The following FAM135B variants were observed in gnomAD, a reference collection of about 807,000 sequenced individuals.
The protein encoded by FAM135B is protein FAM135B.
A neutral mutation model predicts 127.7 loss-of-function variants in FAM135B; 43 were observed. The ratio of observed to expected loss-of-function variants is 0.34; its 90% CI spans 0.26 to 0.43. FAM135B has a LOEUF of 0.43. Ranked by LOEUF, FAM135B falls within the 20% of genes least tolerant of loss-of-function variation. The pLI is 1.00. For missense variants in FAM135B, 1,558 were observed against 1,725.6 expected, an observed-to-expected ratio of 0.90 and a Z score of 1.72; for synonymous variants, 670 against 665.1, an observed-to-expected ratio of 1.01 and a Z score of -0.11.
chr8:138,239,912 C>T (rs1003462305), intron 7 of FAM135B, among the ~76,000 whole-genome samples: 4 of 151,034 alleles, frequency 2.6e-5, no homozygotes, highest in African/African-American at 9.8e-5. Flanking sequence ...AAAAACCAAA[C>T]ACCGCATGTT....
chr8:138,195,107 A>C (rs1258643593), intron 9 of FAM135B, 151 bp downstream of exon 9: 8 of 686,738 alleles, frequency 1.2e-5, no homozygotes, highest in African/African-American at 1.8e-5. Flanking sequence ...GTAGGGTAAC[A>C]GAATGTAAGA....
chr8:138,288,961 A>G (rs973555677), intron 3 of FAM135B, among the ~76,000 whole-genome samples: 2 of 152,196 alleles, frequency 1.3e-5, no homozygotes, highest in African/African-American at 4.8e-5. Context: ...ACGCTTGCCT[A>G]TGCAGGCTGG....
intron 2 of FAM135B, chr8:138,358,290 G>C (rs770236760): frequency 1.3e-5 from 2 of 152,118 alleles, no homozygotes; most frequent in Non-Finnish European, 1.5e-5. Flanking sequence ...TTTTTAAGTG[G>C]CAAGAAGACC....
intron 4 of FAM135B, among the ~76,000 whole-genome samples, chr8:138,259,531 G>T (rs964509122): frequency 9.9e-5 from 15 of 152,110 alleles, no homozygotes; most frequent in African/African-American, 3.1e-4. Context: ...CTCAACAAAG[G>T]TTAGCTATTA....
At chr8:138,137,385 A>G (rs761883617) in intron 18 of FAM135B, 125 bp from the exon 19 acceptor site, 127 of 668,620 alleles carry the variant, frequency 1.9e-4, no homozygotes, top group East Asian at 3.3e-4. Flanking sequence ...ACCACACACT[A>G]GTGTCATCAC....
intron 3 of FAM135B, among the ~76,000 whole-genome samples, chr8:138,282,258 G>T (rs1433465542): frequency 2.0e-5 from 3 of 152,006 alleles, no homozygotes; most frequent in African/African-American, 7.3e-5. Flanking sequence ...GATTTCCTTG[G>T]GTCTGGTAAT....
At chr8:138,257,881 AAAAT>A (rs1296137888) in intron 4 of FAM135B, among the ~76,000 whole-genome samples, 18 of 85,532 alleles carry the variant, frequency 2.1e-4, no homozygotes, top group African/African-American at 7.1e-4. Context: ...CAAAAAATAA[AAAAT>A]AAAAAAAAAA....
chr8:138,384,429 G>A (rs559770374), intron 1 of FAM135B, among the ~76,000 whole-genome samples: 61 of 151,962 alleles, frequency 4.0e-4, no homozygotes, highest in Middle Eastern at 3.4e-3. Flanking sequence ...TTATGTGCCC[G>A]GCTTCCAGAG....
intron 12 of FAM135B, among the ~76,000 whole-genome samples, chr8:138,164,443 C>T (rs1364126473): frequency 6.6e-6 from 1 of 152,118 alleles, no homozygotes; most frequent in Non-Finnish European, 1.5e-5. Context: ...TAAAATATGA[C>T]ATTGTGAAAG....
chr8:138,143,259 A>G, intron 15 of FAM135B, 150 bp from the exon 16 acceptor site: 1 of 573,422 alleles, frequency 1.7e-6, no homozygotes, highest in South Asian at 2.2e-5. Flanking sequence ...ATATGACTTC[A>G]GGACAAAAGG....
intron 12 of FAM135B, among the ~76,000 whole-genome samples, chr8:138,162,503 C>G (rs930410010): frequency 3.9e-5 from 6 of 152,172 alleles, no homozygotes; most frequent in African/African-American, 1.2e-4. Flanking sequence ...AAAGGCACCA[C>G]TCAGGTAGGA....
chr8:138,134,978 A>G (rs186022924), intron 19 of FAM135B, among the ~76,000 whole-genome samples: 42 of 152,318 alleles, frequency 2.8e-4, no homozygotes, highest in Middle Eastern at 3.4e-3. Context: ...CCCATAATAA[A>G]TACAATTTGC....
chr8:138,416,478 C>T (rs1343197623), intron 1 of FAM135B, among the ~76,000 whole-genome samples: 1 of 151,972 alleles, frequency 6.6e-6, no homozygotes, highest in African/African-American at 2.4e-5. Context: ...TATTTTAATG[C>T]CTCACTTTTT....
chr8:138,453,777 TTATTTCTGTGA>T (rs558992486), intron 1 of FAM135B, among the ~76,000 whole-genome samples: 31 of 152,140 alleles, frequency 2.0e-4, no homozygotes, highest in Non-Finnish European at 3.8e-4. Context: ...ACCTTACATG[TTATTTCTGTGA>T]TATTTTCCAA....
chr8:138,405,506 T>A (rs889121294), intron 1 of FAM135B, among the ~76,000 whole-genome samples: 1 of 151,864 alleles, frequency 6.6e-6, no homozygotes, highest in Admixed American at 6.6e-5. Flanking sequence ...GAATGAAGAT[T>A]TCCAATTTCA....
At chr8:138,139,473 C>A (rs1259815297) in intron 17 of FAM135B, among the ~76,000 whole-genome samples, 2 of 152,318 alleles carry the variant, frequency 1.3e-5, no homozygotes, top group Admixed American at 1.3e-4. Flanking sequence ...AAATGTCTCA[C>A]TTCACAACTC....
At chr8:138,306,855 A>T (rs566360120) in intron 3 of FAM135B, among the ~76,000 whole-genome samples, 2 of 152,236 alleles carry the variant, frequency 1.3e-5, no homozygotes, top group Admixed American at 1.3e-4. Flanking sequence ...AAGTGCTGGG[A>T]TTACAGGTGT....
At chr8:138,486,081 C>A (rs1814973096) in intron 1 of FAM135B, among the ~76,000 whole-genome samples, 1 of 151,820 alleles carries the variant, frequency 6.6e-6, no homozygotes, top group Non-Finnish European at 1.5e-5. Flanking sequence ...AATGTGTGAA[C>A]AGCTAATGCA....
At chr8:138,314,724 T>TAAATAAATAAATAAATAAA (rs56300482) in intron 2 of FAM135B, among the ~76,000 whole-genome samples, 15 of 149,522 alleles carry the variant, frequency 1.0e-4, no homozygotes, top group Admixed American at 2.0e-4. Flanking sequence ...AATAAATAAA[T>TAAATAAATAAATAAATAAA]TAGCTGGGTG....
Sources: gnomAD v4.1 joint callset for allele counts (sites outside exome capture counted in the v4.1 genomes callset) on GRCh38, gnomAD v4.1.1 for gene constraint, MANE v1.5 for transcripts, NCBI Gene and HGNC (gene_info 2026-07-23, HGNC 2026-07-21) for gene names.